The following CAMSAP1 variants were observed in gnomAD, a reference collection of about 807,000 sequenced individuals.
CAMSAP1 encodes calmodulin-regulated spectrin-associated protein 1.
CAMSAP1 carries 58 observed loss-of-function variants against 143.5 expected under a neutral mutation model. That is an observed-to-expected ratio of 0.40 (90% confidence interval 0.33 to 0.50). The LOEUF is 0.50. CAMSAP1 is among the 20% of genes least tolerant of loss of function. The pLI, the probability that CAMSAP1 is intolerant of heterozygous loss-of-function variation, is 0.45. For synonymous variants in CAMSAP1, 945 were observed against 859.3 expected (o/e 1.10, Z -1.74); for missense variants, 1,969 against 2,115.7 (o/e 0.93, Z 1.36).
rs765596133 is a variant in CAMSAP1, at chr9:135,809,579, T to C, written c.*1730A>G. On this transcript the variant is annotated 3_prime_UTR_variant, in exon 17 of 17. Coordinates refer to ENST00000389532, the MANE Select transcript of CAMSAP1 (RefSeq NM_015447.4). ...CAGCAACCTCACACATACGATTCAA[T>C]GTAAAGCAAATTAGTTCATCACTTT... 1 of 152,638 alleles carries C rather than the reference T, an allele frequency of 6.6e-6. No homozygotes were observed. The highest frequency in any genetic ancestry group is 1.5e-5 in the Non-Finnish European group (1 of 68,048). The allele number at this position is 152,638 out of a possible 1,614,324, so 9.5% of individuals were successfully genotyped here.
chr9:135,899,593 G>GA (rs1244006014), intron 1 of CAMSAP1, among the ~76,000 whole-genome samples: 1 of 151,950 alleles, frequency 6.6e-6, no homozygotes, highest in Non-Finnish European at 1.5e-5. Context: ...CCCAATCTAC[G>GA]AATCAGCCAC....
At chr9:135,851,392 T>C (rs1463850429) in intron 5 of CAMSAP1, among the ~76,000 whole-genome samples, 1 of 152,198 alleles carries the variant, frequency 6.6e-6, no homozygotes, top group Non-Finnish European at 1.5e-5. Flanking sequence ...GCAGCATTCA[T>C]TCTCAAAAGA....
intron 3 of CAMSAP1, among the ~76,000 whole-genome samples, chr9:135,875,145 T>TAG (rs1257788581): frequency 6.6e-6 from 1 of 152,060 alleles, no homozygotes; most frequent in Non-Finnish European, 1.5e-5. Flanking sequence ...AGTATTCTTA[T>TAG]AGAAGCTGAC....
chr9:135,907,193 G>C lies in CAMSAP1; in HGVS notation c.-34C>G, dbSNP rs1693144938. The C allele has an allele frequency of 1.9e-6, 2 of 1,060,670 alleles. No individual in the cohort carries two copies. The highest frequency in any genetic ancestry group is 1.7e-5 in the African/African-American group (1 of 58,210). The allele number at this position is 1,060,670 out of a possible 1,614,324, so 65.7% of individuals were successfully genotyped here. A position where few individuals can be genotyped will look rare whatever the true frequency, so the allele number is the denominator to read the frequency against. ...AAAGGGCTGAGGCGGCGGCCCGGCC[G>C]CAACAAAGGCGCCGCCGCCCCTCGC... On this transcript the variant is annotated 5_prime_UTR_variant, in exon 1 of 17. Coordinates refer to ENST00000389532, the MANE Select transcript of CAMSAP1 (RefSeq NM_015447.4).
intron 1 of CAMSAP1, among the ~76,000 whole-genome samples, chr9:135,897,644 C>T (rs1335398586): frequency 6.6e-6 from 1 of 152,080 alleles, no homozygotes; most frequent in Non-Finnish European, 1.5e-5. Flanking sequence ...GGTCATCAAG[C>T]CATGATGACG....
rs1288539590 is a variant in CAMSAP1 at position 135,808,941 on chromosome 9, A to G, written c.*2368T>C. On this transcript the variant is annotated 3_prime_UTR_variant, in exon 17 of 17. Coordinates refer to ENST00000389532, the MANE Select transcript of CAMSAP1 (RefSeq NM_015447.4). Reference sequence around the variant, plus strand: ...TAAATGGGTAGAGCAGCTTGTCTTAAATAACAAGGTTAGAATTCTGAGACA... The same window carrying G: ...TAAATGGGTAGAGCAGCTTGTCTTAGATAACAAGGTTAGAATTCTGAGACA... 6.6e-6 allele frequency: 1 copy of G among 152,218 alleles called. No individual in the cohort carries two copies. Among genetic ancestry groups the G allele is most frequent in the Non-Finnish European group, 1.5e-5 (1 of 68,046 alleles). The allele number at this position is 152,218 out of a possible 1,614,324, so 9.4% of individuals were successfully genotyped here.
At chr9:135,906,424 G>A (rs746455919) in intron 1 of CAMSAP1, among the ~76,000 whole-genome samples, 1 of 152,248 alleles carries the variant, frequency 6.6e-6, no homozygotes, top group East Asian at 1.9e-4. Context: ...AAGCACATTA[G>A]GGCCTAACAA....
rs1038072441 is a variant in CAMSAP1, at chr9:135,809,980, T to C, written c.*1329A>G. 1.3e-5 allele frequency: 2 copies of C among 152,668 alleles called. No individual in the cohort carries two copies. The highest frequency in any genetic ancestry group is 2.9e-5 in the Non-Finnish European group (2 of 68,040). The allele number at this position is 152,668 out of a possible 1,614,324, so 9.5% of individuals were successfully genotyped here. A position where few individuals can be genotyped will look rare whatever the true frequency, so the allele number is the denominator to read the frequency against. ...TCTTTTTCTCCCAATTATTGATCTT[T>C]TGATTTTTTCTGCAGTTTGAGATAG... On this transcript the variant is annotated 3_prime_UTR_variant, in exon 17 of 17. Transcript: ENST00000389532.
intron 1 of CAMSAP1, among the ~76,000 whole-genome samples, chr9:135,885,345 C>A (rs531459817): frequency 6.6e-6 from 1 of 152,296 alleles, no homozygotes; most frequent in African/African-American, 2.4e-5. Flanking sequence ...GCACCTCGAG[C>A]CTAACCGGCC....
In CAMSAP1 at chr9:135,820,731, T is replaced by A; in HGVS notation, c.3822+108A>T. ...TAAACACACACATCCCCTGGCCTCT[T>A]ACAGGAGCGGCTGGCCAGCCTGGTG... On this transcript the variant is annotated intron_variant, in intron 11 of 16. Transcript: ENST00000389532. The surrounding 1 kb of genome is among the most constrained non-coding windows in gnomAD (Gnocchi z 4.4). 4.2e-6 allele frequency: 6 copies of A among 1,425,536 alleles called. No homozygotes were observed. Among genetic ancestry groups the A allele is most frequent in the Non-Finnish European group, 5.7e-6 (6 of 1,056,280 alleles). The allele number at this position is 1,425,536 out of a possible 1,614,324, so 88.3% of individuals were successfully genotyped here. A position where few individuals can be genotyped will look rare whatever the true frequency, so the allele number is the denominator to read the frequency against.
chr9:135,897,180 G>A (rs562820998), intron 1 of CAMSAP1, among the ~76,000 whole-genome samples: 13 of 151,992 alleles, frequency 8.6e-5, no homozygotes, highest in African/African-American at 2.9e-4. Context: ...TTTGAGACAC[G>A]GTCTCACTCT....
chr9:135,811,613 T>C lies in CAMSAP1; in HGVS notation n.579-2A>G. 1 of 1,579,494 alleles carries C rather than the reference T, an allele frequency of 6.3e-7. No homozygotes were observed. Among genetic ancestry groups the C allele is most frequent in the Non-Finnish European group, 8.6e-7 (1 of 1,162,116 alleles). On this transcript the variant is annotated splice_acceptor_variant and non_coding_transcript_variant, in intron 4 of 4. Coordinates refer to the CAMSAP1 transcript ENST00000482664. The surrounding 1 kb of genome is among the most constrained non-coding windows in gnomAD (Gnocchi z 4.9). ...ATTGGCATCACACTTCTCCAGCTCCTGTGCAGAGAGAGAAAAGGGGAAGAG... is the reference window on the plus strand; with the variant it reads ...ATTGGCATCACACTTCTCCAGCTCCCGTGCAGAGAGAGAAAAGGGGAAGAG...
rs1588462545 is a variant in CAMSAP1, at chr9:135,839,223, G to T, written c.1045+10914C>A. Among the ~76,000 whole-genome samples, 4 of 152,320 alleles carry T rather than the reference G, an allele frequency of 2.6e-5. No homozygotes were observed. In the South Asian group the frequency reaches 6.2e-4, roughly 24 times the overall value. On this transcript the variant is annotated intron_variant, in intron 7 of 16. Transcript: ENST00000389532. Reference sequence around the variant, plus strand: ...CTCCCTGCCTCCCTGCTGATGCAGAGTGTATGAGTCCCTATTTCTAGCTAC... The same window carrying T: ...CTCCCTGCCTCCCTGCTGATGCAGATTGTATGAGTCCCTATTTCTAGCTAC...
At chr9:135,897,713 G>C (rs1838498038) in intron 1 of CAMSAP1, among the ~76,000 whole-genome samples, 1 of 152,166 alleles carries the variant, frequency 6.6e-6, no homozygotes. Flanking sequence ...AGCATATACA[G>C]TGTGGACATG....
At chr9:135,844,476 C>A (rs1177472749) in intron 7 of CAMSAP1, among the ~76,000 whole-genome samples, 1 of 152,158 alleles carries the variant, frequency 6.6e-6, no homozygotes, top group Non-Finnish European at 1.5e-5. Flanking sequence ...ATTTATAGCA[C>A]TAAATGCCCA....
intron 1 of CAMSAP1, among the ~76,000 whole-genome samples, chr9:135,906,528 T>C (rs1221325625): frequency 6.6e-6 from 1 of 152,154 alleles, no homozygotes; most frequent in African/African-American, 2.4e-5. Context: ...AATACGCAAT[T>C]TCTAGTTGGG....
intron 7 of CAMSAP1, among the ~76,000 whole-genome samples, chr9:135,831,345 A>G (rs72771928): frequency 0.024 from 3,631 of 152,036 alleles, 86 homozygotes; most frequent in Middle Eastern, 0.1. Context: ...TTAACAAGGA[A>G]GTCTGGGGCC....
Position 135,811,363 on chromosome 9 carries a change from G to T in CAMSAP1, c.4755C>A (p.His1585Gln). The T allele has an allele frequency of 6.2e-7, 1 of 1,613,234 alleles. No individual in the cohort carries two copies. The change falls in exon 17 of 17, where the codon CAC becomes CAA. Residue 1585 changes from histidine to glutamine, a missense_variant. By Grantham distance (24) the His-to-Gln change is conservative (BLOSUM62 0). Coordinates refer to ENST00000389532, the MANE Select transcript of CAMSAP1 (RefSeq NM_015447.4). The surrounding 1 kb of genome is among the most constrained non-coding windows in gnomAD (Gnocchi z 4.9). ...CTGCAGGCCGCTTGGGCTGCCACAG[G>T]TGGTTGTGGATTGTGAGTGCGTCCA... is the stretch of plus-strand genomic sequence containing the variant. ...VSVDALTIHNHLWQPKRPAVP... is the reference protein window; with the variant it reads ...VSVDALTIHNQLWQPKRPAVP...
In CAMSAP1 at chr9:135,836,914, G is replaced by A. The variant is rs565915024; in HGVS notation, c.1046-9330C>T. ...CTTGCTACCCATTCTACAGACACACGTCACCACACACTTTCTACCCGTTCT... is the reference window on the plus strand; with the variant it reads ...CTTGCTACCCATTCTACAGACACACATCACCACACACTTTCTACCCGTTCT... On this transcript the variant is annotated intron_variant, in intron 7 of 16. Transcript: ENST00000389532. The A allele has an allele frequency of 9.3e-6, 9 of 972,348 alleles. No homozygotes were observed. In the East Asian group the frequency reaches 7.5e-4, roughly 81 times the overall value. 60.2% of individuals were successfully genotyped at this position (972,348 alleles called of 1,614,324 possible).
Sources: allele counts gnomAD v4.1 joint callset (sites outside exome capture counted in the v4.1 genomes callset), GRCh38; gene constraint gnomAD v4.1.1; non-coding constraint Gnocchi (gnomAD v3.1); transcripts MANE v1.5; gene names NCBI Gene and HGNC (gene_info 2026-07-23, HGNC 2026-07-21).